Variants in AMBRA1 observed in about 807,000 individuals in gnomAD.
AMBRA1 encodes the protein activating molecule in BECN1-regulated autophagy protein 1.
Under a neutral mutation model 125.4 loss-of-function variants are expected in AMBRA1, and 47 were observed. That is an observed-to-expected ratio of 0.37 (90% CI 0.30 to 0.48). AMBRA1 has a LOEUF of 0.48. Ranked by LOEUF, AMBRA1 falls within the 20% of genes least tolerant of loss-of-function variation. AMBRA1 has a pLI of 0.99. For synonymous variants in AMBRA1, 626 were observed against 655.5 expected, an observed-to-expected ratio of 0.95 and a Z score of 0.69; for missense variants, 1,331 against 1,693.4, an observed-to-expected ratio of 0.79 and a Z score of 3.76.
intron 11 of AMBRA1, among the ~76,000 whole-genome samples, chr11:46,458,503 G>A (rs562421397): frequency 6.6e-6 from 1 of 152,202 alleles, no homozygotes; most frequent in Non-Finnish European, 1.5e-5. Context: ...CTGAGCCATC[G>A]ATTTTCCATT....
At chr11:46,425,792 T>C (rs1947100980) in intron 14 of AMBRA1, among the ~76,000 whole-genome samples, 1 of 148,696 alleles carries the variant, frequency 6.7e-6, no homozygotes, top group Non-Finnish European at 1.5e-5. Context: ...TGAGCCGAGA[T>C]CGTGCCACTG....
At chr11:46,470,270 A>G (rs1590888108) in intron 11 of AMBRA1, among the ~76,000 whole-genome samples, 1 of 152,050 alleles carries the variant, frequency 6.6e-6, no homozygotes, top group African/African-American at 2.4e-5. Flanking sequence ...GGGAGACCCC[A>G]TATCTACAAA....
chr11:46,442,494 G>T (rs1948067943), intron 12 of AMBRA1, among the ~76,000 whole-genome samples: 1 of 152,042 alleles, frequency 6.6e-6, no homozygotes, highest in South Asian at 2.1e-4. Context: ...CACCTTGTCA[G>T]TGTGGTCTAT....
At chr11:46,579,785 T>G (rs1316403997) in intron 1 of AMBRA1, among the ~76,000 whole-genome samples, 1 of 152,206 alleles carries the variant, frequency 6.6e-6, no homozygotes, top group Non-Finnish European at 1.5e-5. Context: ...TGATATCAGC[T>G]CACTATATCC....
chr11:46,535,192 A>G (rs960189515), intron 7 of AMBRA1, among the ~76,000 whole-genome samples: 1 of 152,222 alleles, frequency 6.6e-6, no homozygotes, highest in African/African-American at 2.4e-5. Context: ...TTAAATGCCG[A>G]ACTTCTAACT....
At chr11:46,448,840 C>T (rs991045848) in intron 11 of AMBRA1, among the ~76,000 whole-genome samples, 3 of 152,062 alleles carry the variant, frequency 2.0e-5, no homozygotes, top group Non-Finnish European at 2.9e-5. Context: ...ATTTGAAAAC[C>T]TACATGCAAT....
chr11:46,557,993 T>C (rs1172148294), intron 1 of AMBRA1, among the ~76,000 whole-genome samples: 2 of 151,882 alleles, frequency 1.3e-5, no homozygotes, highest in Admixed American at 1.3e-4. Flanking sequence ...TAAGATACCA[T>C]GTGGAGAGAG....
chr11:46,563,901 T>C (rs1461729903), intron 1 of AMBRA1, among the ~76,000 whole-genome samples: 1 of 149,974 alleles, frequency 6.7e-6, no homozygotes, highest in Non-Finnish European at 1.5e-5. Context: ...TCTCAGCACT[T>C]TGGGAGGCTG....
intron 7 of AMBRA1, among the ~76,000 whole-genome samples, chr11:46,520,298 A>C (rs1591017423): frequency 6.6e-6 from 1 of 152,310 alleles, no homozygotes; most frequent in East Asian, 1.9e-4. Context: ...GCCTCATTAC[A>C]TGTCATGGAG....
chr11:46,506,337 A>G (rs1951033883), intron 9 of AMBRA1, among the ~76,000 whole-genome samples: 1 of 152,184 alleles, frequency 6.6e-6, no homozygotes, highest in African/African-American at 2.4e-5. Flanking sequence ...TCACATTTAC[A>G]TCTTTCTCAG....
chr11:46,478,359 C>T (rs1318800115), intron 11 of AMBRA1, among the ~76,000 whole-genome samples: 1 of 152,174 alleles, frequency 6.6e-6, no homozygotes, highest in Non-Finnish European at 1.5e-5. Flanking sequence ...TTAGTAAGTG[C>T]TTGCACAGTT....
At chr11:46,479,479 C>CT (rs1435696687) in intron 11 of AMBRA1, among the ~76,000 whole-genome samples, 7 of 152,056 alleles carry the variant, frequency 4.6e-5, no homozygotes, top group African/African-American at 1.7e-4. Context: ...TTTCAGAACT[C>CT]TGAGGTCAGG....
chr11:46,579,721 G>A (rs569910860), intron 1 of AMBRA1, among the ~76,000 whole-genome samples: 15 of 152,130 alleles, frequency 9.9e-5, no homozygotes, highest in Admixed American at 2.0e-4. Flanking sequence ...GTTTTGTTTT[G>A]TTTTGTTTTG....
At chr11:46,512,674 C>T (rs1951309717) in intron 8 of AMBRA1, 53 bp downstream of exon 8, 17 of 1,518,180 alleles carry the variant, frequency 1.1e-5, no homozygotes, top group Non-Finnish European at 1.6e-5. Context: ...AGTGTGGCAA[C>T]CCCAAGGGCC....
In AMBRA1 at chr11:46,542,890, C is replaced by T; in HGVS notation, c.1127G>A (p.Ser376Asn). ...GCGGAGCGTGTTGCCGGCAGTGCTG[C>T]TCTGGACTGTACTGAAGGCAGACGG... ...NRPSAFSTVQ[S>N]STAGNTLRNL... The change falls in exon 7 of 18, where the codon AGC becomes AAC. Residue 376 changes from serine to asparagine, a missense_variant. This residue lies in a region of AMBRA1 where 689 missense variants were observed against 776.5 expected (regional missense o/e 0.89). Transcript: ENST00000683756. This position sits in a 1 kb window ranked among gnomAD's most constrained non-coding sequence, Gnocchi z 5.9. 1 of 1,612,916 alleles carries T rather than the reference C, an allele frequency of 6.2e-7. No individual in the cohort carries two copies. The highest frequency in any genetic ancestry group is 2.2e-5 in the East Asian group (1 of 44,868).
intron 7 of AMBRA1, among the ~76,000 whole-genome samples, chr11:46,520,771 AT>A (rs35987296): frequency 0.018 from 2,346 of 130,582 alleles, 51 homozygotes; most frequent in African/African-American, 0.052. Context: ...AATTTTTTGT[AT>A]TTTTTTTTTT....
At chr11:46,586,947 C>T (rs1290609904) in intron 1 of AMBRA1, among the ~76,000 whole-genome samples, 1 of 152,114 alleles carries the variant, frequency 6.6e-6, no homozygotes, top group African/African-American at 2.4e-5. Context: ...ATCAAATGTG[C>T]TTATTAATCC....
chr11:46,503,650 T>C (rs918933060), intron 9 of AMBRA1, among the ~76,000 whole-genome samples: 1 of 152,208 alleles, frequency 6.6e-6, no homozygotes, highest in Non-Finnish European at 1.5e-5. Flanking sequence ...AAAGTGTGCC[T>C]GTATTTGGTC....
chr11:46,578,699 C>T (rs1291119929), intron 1 of AMBRA1, among the ~76,000 whole-genome samples: 7 of 151,200 alleles, frequency 4.6e-5, no homozygotes, highest in African/African-American at 7.3e-5. Context: ...CTGGCTAACA[C>T]GGTGAAACCC....
Sources: gnomAD v4.1 joint callset for allele counts (sites outside exome capture counted in the v4.1 genomes callset) on GRCh38, gnomAD v4.1.1 for gene constraint, gnomAD v4.1.1 regional missense constraint, Gnocchi (gnomAD v3.1) non-coding constraint, MANE v1.5 for transcripts, NCBI Gene and HGNC (gene_info 2026-07-23, HGNC 2026-07-21) for gene names.